RMI1: variants seen among roughly 807,000 people sequenced by gnomAD.
RMI1 encodes recQ-mediated genome instability protein 1.
Under a neutral mutation model 46.7 loss-of-function variants are expected in RMI1, and 36 were observed. The observed-to-expected ratio is 0.77, with a 90% confidence interval of 0.59 to 1.02. The LOEUF (loss-of-function observed/expected upper bound fraction) is 1.02, where lower values mean the gene tolerates loss of function less well. Ranked by LOEUF, RMI1 falls within the 50% of genes least tolerant of loss-of-function variation. RMI1 has a pLI of 0.00. For missense variants in RMI1, 676 were observed against 713.7 expected (o/e 0.95, Z 0.60); for synonymous variants, 250 against 252.9 (o/e 0.99, Z 0.11).
chr9:83,997,107 CCTTTTTTTTTTTT>C lies in RMI1; in HGVS notation c.-125-2601_-125-2589del, dbSNP rs1224917101. The stretch of plus-strand genomic sequence containing the variant: ...GGTAGAGGTAAGTCCAACACCCCCC[CCTTTTTTTTTTTT>C]TTTTTTTTGAGATAGGGTTTCGCTC... On this transcript the variant is annotated intron_variant, in intron 1 of 2. Coordinates refer to ENST00000445877, the MANE Select transcript of RMI1 (RefSeq NM_001358291.2). Among the ~76,000 whole-genome samples, 3 of 92,376 alleles carry C rather than the reference CCTTTTTTTTTTTT, an allele frequency of 3.2e-5. No individual in the cohort carries two copies. The Admixed American group carries it at 5.1e-4, about 16-fold the overall frequency. The allele number at this position is 92,376 out of a possible 152,430, so 60.6% of individuals were successfully genotyped here.
At chr9:83,997,856 G>T (rs1957681474) in intron 1 of RMI1, among the ~76,000 whole-genome samples, 1 of 151,564 alleles carries the variant, frequency 6.6e-6, no homozygotes, top group Non-Finnish European at 1.5e-5. Context: ...GAGTACAGTG[G>T]TGCAGTCATA....
intron 1 of RMI1, among the ~76,000 whole-genome samples, chr9:83,995,386 C>G (rs1461066866): frequency 1.3e-5 from 2 of 151,702 alleles, no homozygotes; most frequent in Non-Finnish European, 2.9e-5. Context: ...GAACTATGTT[C>G]CCTACTTCTT....
At chr9:83,984,352 CT>C (rs1957460761) in intron 1 of RMI1, among the ~76,000 whole-genome samples, 1 of 151,454 alleles carries the variant, frequency 6.6e-6, no homozygotes, top group African/African-American at 2.4e-5. Flanking sequence ...TCACTGCAAC[CT>C]CTGCTTCCTG....
intron 1 of RMI1, among the ~76,000 whole-genome samples, chr9:83,985,174 T>C (rs1957472013): frequency 6.6e-6 from 1 of 152,242 alleles, no homozygotes; most frequent in African/African-American, 2.4e-5. Context: ...TTACATAATA[T>C]TTTTCCATTT....
rs1171089741 is a variant in RMI1 at position 84,002,955 on chromosome 9, AG to A, written c.*93del. ...TTTACTTATGATACTTTGTGTAAAA[AG>A]GAAAAATGAAATTTCATAGCTTATT... On this transcript the variant is annotated 3_prime_UTR_variant, in exon 3 of 3. Transcript: ENST00000445877. 2 of 775,378 alleles carry A rather than the reference AG, an allele frequency of 2.6e-6. No individual in the cohort carries two copies. Among genetic ancestry groups the A allele is most frequent in the East Asian group, 2.8e-5 (1 of 36,248 alleles). The allele number at this position is 775,378 out of a possible 1,614,324, so 48.0% of individuals were successfully genotyped here. A position where few individuals can be genotyped will look rare whatever the true frequency, so the allele number is the denominator to read the frequency against.
intron 2 of RMI1, 23 bp from the exon 3 acceptor site, chr9:84,000,928 A>AT (rs966735459): frequency 1.8e-5 from 23 of 1,265,224 alleles, no homozygotes; most frequent in Non-Finnish European, 2.4e-5. Context: ...AATTATCTAA[A>AT]TTTTTTTGTT....
In RMI1 at chr9:84,002,036, G is replaced by A; in HGVS notation, c.1050G>A (p.Glu350=). Reference sequence around the variant, plus strand: ...ACAGAAATGCCGATCGAAGTATAGAGAGATTTTCACATAATCCTAATACTA... The same window carrying A: ...ACAGAAATGCCGATCGAAGTATAGAAAGATTTTCACATAATCCTAATACTA... The part of the protein sequence containing the change: ...TFNRNADRSI[E]RFSHNPNTTN... The change falls in exon 3 of 3, where the codon GAG becomes GAA. Residue 350 remains glutamate, a synonymous_variant. Transcript: ENST00000445877. 1 of 1,613,930 alleles carries A rather than the reference G, an allele frequency of 6.2e-7. No homozygotes were observed. Among genetic ancestry groups the A allele is most frequent in the Non-Finnish European group, 8.5e-7 (1 of 1,179,912 alleles).
rs1957735181 is a variant in RMI1 at position 84,001,442 on chromosome 9, G to A, written c.456G>A (p.Gln152=). 3 of 1,613,620 alleles carry A rather than the reference G, an allele frequency of 1.9e-6. No homozygotes were observed. Among genetic ancestry groups the A allele is most frequent in the Non-Finnish European group, 2.5e-6 (3 of 1,179,582 alleles). Residue 152 remains glutamine, a synonymous_variant, in exon 3 of 3, where the codon CAG becomes CAA. Transcript: ENST00000445877. ...GIVQIQGMEY[Q]PIPILHSDLP... ...TACAAATACAGGGAATGGAATATCAGCCTATTCCAATTCTTCATAGTGATC... is the reference window on the plus strand; with the variant it reads ...TACAAATACAGGGAATGGAATATCAACCTATTCCAATTCTTCATAGTGATC...
rs1353666078 is a variant in RMI1 at position 83,993,586 on chromosome 9, TATA to T, written c.-125-6116_-125-6114del. On this transcript the variant is annotated intron_variant, in intron 1 of 2. Transcript: ENST00000445877. Reference sequence around the variant, plus strand: ...GTTTTCCATAGTAGCTTCACCATTTTATAATAATATTAACAGTGCACAGGGGTT... The same window carrying T: ...GTTTTCCATAGTAGCTTCACCATTTTATAATATTAACAGTGCACAGGGGTT... 5.9e-5 allele frequency among the ~76,000 whole-genome samples: 9 copies of T among 152,298 alleles called. No individual in the cohort carries two copies. In the South Asian group the frequency reaches 1.7e-3, roughly 28 times the overall value.
chr9:83,989,466 A>G (rs1564080125), intron 1 of RMI1, among the ~76,000 whole-genome samples: 1 of 152,202 alleles, frequency 6.6e-6, no homozygotes, highest in Non-Finnish European at 1.5e-5. Flanking sequence ...AAGAATATAT[A>G]AGGAGCTGAA....
Position 84,001,741 on chromosome 9 carries a change from A to C in RMI1, c.755A>C (p.Asp252Ala). The C allele has an allele frequency of 6.2e-7, 1 of 1,614,062 alleles. No individual in the cohort carries two copies. Among genetic ancestry groups the C allele is most frequent in the Non-Finnish European group, 8.5e-7 (1 of 1,179,982 alleles). ...PSDEELLASL[D>A]ENDELTANND... is the part of the protein sequence containing the mutation. Reference sequence around the variant, plus strand: ...GATGAAGAACTCTTGGCAAGTCTTGATGAAAATGATGAGCTTACAGCAAAT... The same window carrying C: ...GATGAAGAACTCTTGGCAAGTCTTGCTGAAAATGATGAGCTTACAGCAAAT... Residue 252 changes from aspartate (D) to alanine (A), a missense_variant, in exon 3 of 3, where the codon GAT (aspartate) becomes GCT (alanine). By Grantham distance (126) the Asp-to-Ala change is moderately radical. Coordinates refer to ENST00000445877, the MANE Select transcript of RMI1 (RefSeq NM_001358291.2).
upstream of RMI1, chr9:83,980,558 G>A (rs1957346996): frequency 6.5e-6 from 1 of 152,872 alleles, no homozygotes. Flanking sequence ...GTGCAGCAGA[G>A]AAACAGAGGA....
chr9:83,991,782 A>G (rs944938355), intron 1 of RMI1, among the ~76,000 whole-genome samples: 3 of 152,194 alleles, frequency 2.0e-5, no homozygotes, highest in African/African-American at 7.2e-5. Context: ...TTTGTGGAAA[A>G]TCAATTGATC....
At chr9:83,999,134 C>G (rs1957701183) in intron 1 of RMI1, among the ~76,000 whole-genome samples, 1 of 151,028 alleles carries the variant, frequency 6.6e-6, no homozygotes, top group African/African-American at 2.4e-5. Context: ...GAGCAAGACT[C>G]TGTCTCAAAA....
In RMI1 at chr9:84,003,693, A is replaced by G. The variant is rs935803906; in HGVS notation, c.*829A>G. The G allele has an allele frequency of 1.2e-5, 2 of 166,474 alleles. No individual in the cohort carries two copies. Among genetic ancestry groups the G allele is most frequent in the African/African-American group, 4.8e-5 (2 of 41,468 alleles). The allele number at this position is 166,474 out of a possible 1,614,324, so 10.3% of individuals were successfully genotyped here. ...TATAATATTTGGTATATTTAAGGTA[A>G]TCTAGTTAACTAGATGCTATTTCAT... is the stretch of plus-strand genomic sequence containing the variant. On this transcript the variant is annotated 3_prime_UTR_variant, in exon 3 of 3. Coordinates refer to ENST00000445877, the MANE Select transcript of RMI1 (RefSeq NM_001358291.2).
At chr9:83,981,224 C>G (rs528826934) in intron 1 of RMI1, among the ~76,000 whole-genome samples, 1 of 152,312 alleles carries the variant, frequency 6.6e-6, no homozygotes, top group East Asian at 1.9e-4. Flanking sequence ...TCACAGGGCT[C>G]TCGGTTCTGA....
In RMI1 at chr9:83,989,675, A is replaced by AT. The variant is rs1401946275; in HGVS notation, c.-126+8784_-126+8785insT. On this transcript the variant is annotated intron_variant, in intron 1 of 2. Coordinates refer to ENST00000445877, the MANE Select transcript of RMI1 (RefSeq NM_001358291.2). ...AATGGCTATCAAAAAGACAAAAAAA[A>AT]AAATAAAATAAAATAAAAAAGATTC... 4.4e-5 allele frequency among the ~76,000 whole-genome samples: 6 copies of AT among 135,590 alleles called. No homozygotes were observed. The South Asian group carries it at 8.5e-4, about 19-fold the overall frequency. 89.0% of individuals were successfully genotyped at this position (135,590 alleles called of 152,430 possible).
At chr9:83,998,274 C>T (rs1957688410) in intron 1 of RMI1, among the ~76,000 whole-genome samples, 1 of 152,114 alleles carries the variant, frequency 6.6e-6, no homozygotes, top group South Asian at 2.1e-4. Flanking sequence ...AATGTTTATA[C>T]TCTCATTTTC....
At chr9:83,998,575 C>A (rs1257339744) in intron 1 of RMI1, among the ~76,000 whole-genome samples, 1 of 152,216 alleles carries the variant, frequency 6.6e-6, no homozygotes, top group Non-Finnish European at 1.5e-5. Flanking sequence ...AGATGTTCAA[C>A]TGCTAGCATT....
Sources: allele counts gnomAD v4.1 joint callset (sites outside exome capture counted in the v4.1 genomes callset), GRCh38; gene constraint gnomAD v4.1.1; transcripts MANE v1.5; gene names NCBI Gene and HGNC (gene_info 2026-07-23, HGNC 2026-07-21).